The following EPHB1 variants were observed in gnomAD, a reference collection of about 807,000 sequenced individuals.
EPHB1 encodes the protein ephrin type-B receptor 1.
A neutral mutation model predicts 94.4 loss-of-function variants in EPHB1; 30 were observed. The ratio of observed to expected loss-of-function variants is 0.32; its 90% CI spans 0.24 to 0.43. The LOEUF (loss-of-function observed/expected upper bound fraction) is 0.43. Ranked by LOEUF, EPHB1 falls within the 20% of genes least tolerant of loss-of-function variation. The pLI is 1.00. For missense variants in EPHB1, 1,055 were observed against 1,308.3 expected (o/e 0.81, Z 2.99); for synonymous variants, 522 against 489.1 (o/e 1.07, Z -0.89).
chr3:135,154,454 G>GC (rs1576431435), intron 6 of EPHB1, 178 bp downstream of exon 6: 2 of 793,846 alleles, frequency 2.5e-6, no homozygotes, highest in East Asian at 5.7e-5. Context: ...CTTGTTCAAA[G>GC]CCCAGGCACT....
intron 1 of EPHB1, among the ~76,000 whole-genome samples, chr3:134,856,283 G>A (rs955822384): frequency 6.6e-6 from 1 of 152,146 alleles, no homozygotes; most frequent in Non-Finnish European, 1.5e-5. Flanking sequence ...TGGGGAGCAA[G>A]GTGGCAGTGT....
In EPHB1 at chr3:135,256,767, T is replaced by C. The variant is rs1430309495; in HGVS notation, c.2847-2245T>C. On this transcript the variant is annotated intron_variant, in intron 15 of 15. Coordinates refer to ENST00000398015, the MANE Select transcript of EPHB1 (RefSeq NM_004441.5). ...TCCTGAATCTGAACGTTGGCCTGCC[T>C]TGCCAGATTGGGGAAGTTCTCCTGG... 2.0e-5 allele frequency among the ~76,000 whole-genome samples: 3 copies of C among 152,236 alleles called. No homozygotes were observed. The East Asian group carries it at 5.8e-4, about 29-fold the overall frequency.
At chr3:134,875,777 A>G (rs1267157548) in intron 1 of EPHB1, among the ~76,000 whole-genome samples, 1 of 152,124 alleles carries the variant, frequency 6.6e-6, no homozygotes, top group Non-Finnish European at 1.5e-5. Flanking sequence ...AAGTCTTTAA[A>G]GCAAAAATTT....
intron 1 of EPHB1, among the ~76,000 whole-genome samples, chr3:134,892,323 A>G (rs1404146087): frequency 6.6e-6 from 1 of 152,072 alleles, no homozygotes; most frequent in Admixed American, 6.5e-5. Context: ...CCATGCTTAG[A>G]CCCCAGAAAT....
intron 3 of EPHB1, 136 bp downstream of exon 3, chr3:134,952,188 TC>T (rs1419192905): frequency 1.1e-6 from 1 of 899,060 alleles, no homozygotes; most frequent in African/African-American, 1.7e-5. Context: ...GGACTCCCAT[TC>T]CTAGTGCTAG....
At chr3:134,920,128 G>A (rs1312998339) in intron 1 of EPHB1, among the ~76,000 whole-genome samples, 1 of 152,090 alleles carries the variant, frequency 6.6e-6, no homozygotes, top group African/African-American at 2.4e-5. Flanking sequence ...GCTCCCTGAG[G>A]GCTGGGATGT....
chr3:134,819,793 G>C (rs2036346742), intron 1 of EPHB1, among the ~76,000 whole-genome samples: 1 of 152,160 alleles, frequency 6.6e-6, no homozygotes. Context: ...TTGTCTGCCT[G>C]GGAGGCCTCT....
At chr3:134,957,770 C>A (rs1933339627) in intron 3 of EPHB1, among the ~76,000 whole-genome samples, 1 of 152,194 alleles carries the variant, frequency 6.6e-6, no homozygotes. Context: ...CATGATCAAA[C>A]CTGCAGGACT....
intron 3 of EPHB1, among the ~76,000 whole-genome samples, chr3:135,072,938 G>A (rs1937775587): frequency 6.6e-6 from 1 of 152,088 alleles, no homozygotes; most frequent in Admixed American, 6.5e-5. Context: ...ATCAGAGGGG[G>A]TACCCATTTA....
intron 4 of EPHB1, among the ~76,000 whole-genome samples, chr3:135,113,929 A>G (rs1358146876): frequency 6.6e-6 from 1 of 152,144 alleles, no homozygotes; most frequent in Non-Finnish European, 1.5e-5. Context: ...GAGACTTGTG[A>G]TCCTCACTCC....
intron 2 of EPHB1, among the ~76,000 whole-genome samples, chr3:134,926,854 G>T (rs1240624605): frequency 1.3e-5 from 2 of 152,190 alleles, no homozygotes; most frequent in Non-Finnish European, 1.5e-5. Flanking sequence ...TGTGACAAAA[G>T]AATCAAGTTA....
intron 13 of EPHB1, among the ~76,000 whole-genome samples, chr3:135,246,545 T>C (rs1181250760): frequency 6.6e-6 from 1 of 152,208 alleles, no homozygotes; most frequent in Non-Finnish European, 1.5e-5. Context: ...ATTCAAAACT[T>C]AAAATCAAGC....
At chr3:135,138,188 C>A (rs1285307730) in intron 5 of EPHB1, among the ~76,000 whole-genome samples, 1 of 152,228 alleles carries the variant, frequency 6.6e-6, no homozygotes, top group Non-Finnish European at 1.5e-5. Context: ...TACTATCCAT[C>A]ATGCCCACAA....
intron 1 of EPHB1, among the ~76,000 whole-genome samples, chr3:134,890,234 A>G (rs1018524161): frequency 3.3e-5 from 5 of 152,190 alleles, no homozygotes; most frequent in Admixed American, 2.0e-4. Flanking sequence ...ACAGCAATCC[A>G]GATGTTTATA....
chr3:134,860,154 C>CACACACACACACACAG lies in EPHB1; in HGVS notation c.58+64480_58+64481insGACACACACACACACA, dbSNP rs1553858671. On this transcript the variant is annotated intron_variant, in intron 1 of 15. Coordinates refer to ENST00000398015, the MANE Select transcript of EPHB1 (RefSeq NM_004441.5). The stretch of plus-strand genomic sequence containing the variant: ...TGTAACAAAAGAGAAGGAAGGGACA[C>CACACACACACACACAG]ACACACACACACACACAGACACACA... 2.6e-4 allele frequency among the ~76,000 whole-genome samples: 19 copies of CACACACACACACACAG among 73,998 alleles called. 1 individual carries two copies. Among genetic ancestry groups the CACACACACACACACAG allele is most frequent in the Admixed American group, 2.5e-3 (19 of 7,638 alleles). 48.5% of individuals were successfully genotyped at this position (73,998 alleles called of 152,430 possible).
chr3:135,217,178 G>C (rs1461001524), intron 12 of EPHB1, among the ~76,000 whole-genome samples: 1 of 152,086 alleles, frequency 6.6e-6, no homozygotes, highest in Admixed American at 6.5e-5. Context: ...TCTTGGCTTT[G>C]ACACAGCCAA....
chr3:134,806,703 T>C (rs1002479959), intron 1 of EPHB1, among the ~76,000 whole-genome samples: 2 of 152,172 alleles, frequency 1.3e-5, no homozygotes, highest in Non-Finnish European at 2.9e-5. Context: ...GGAGATATGA[T>C]ACCTCATTCA....
At chr3:135,048,259 C>CTTTTTTTTTTTTTTTTTT (rs34135757) in intron 3 of EPHB1, among the ~76,000 whole-genome samples, 25 of 55,202 alleles carry the variant, frequency 4.5e-4, no homozygotes, top group South Asian at 9.2e-4. Flanking sequence ...TTTCTTTTTT[C>CTTTTTTTTTTTTTTTTTT]TTTTTTTTTT....
intron 1 of EPHB1, among the ~76,000 whole-genome samples, chr3:134,921,341 C>T (rs1385942918): frequency 6.6e-6 from 1 of 152,208 alleles, no homozygotes; most frequent in Non-Finnish European, 1.5e-5. Flanking sequence ...AAACCTCAAG[C>T]ATTTCCCTTT....
Sources: allele counts gnomAD v4.1 joint callset (sites outside exome capture counted in the v4.1 genomes callset), GRCh38; gene constraint gnomAD v4.1.1; transcripts MANE v1.5; gene names NCBI Gene and HGNC (gene_info 2026-07-23, HGNC 2026-07-21).